Variants in CROCC2 observed in about 807,000 individuals in gnomAD.
CROCC2 encodes ciliary rootlet coiled-coil, rootletin family member 2.
In CROCC2, 163 loss-of-function variants were observed where a neutral mutation model predicts 177.6. The observed-to-expected ratio is 0.92, with a 90% CI of 0.81 to 1.05. The LOEUF (loss-of-function observed/expected upper bound fraction) is 1.05. Ranked by LOEUF, CROCC2 falls within the 50% of genes least tolerant of loss-of-function variation. The probability of loss-of-function intolerance (pLI) is 0.00; values close to 1 mark genes in which losing one functional copy is unlikely to be tolerated. For missense variants in CROCC2, 1,929 were observed against 1,797.8 expected (o/e 1.07, Z -1.32); for synonymous variants, 904 against 787.3 (o/e 1.15, Z -2.48).
At chr2:240,989,558 C>T in intron 29 of CROCC2, 96 bp from the exon 30 acceptor site, 1 of 1,255,572 alleles carries the variant, frequency 8.0e-7, no homozygotes, top group East Asian at 2.6e-5. Context: ...GTGGGGCCCA[C>T]AAGGACAGGT....
intron 27 of CROCC2, among the ~76,000 whole-genome samples, chr2:240,981,338 G>A (rs1347830556): frequency 2.0e-5 from 3 of 152,198 alleles, no homozygotes; most frequent in East Asian, 3.8e-4. Context: ...AGCTCTGGGG[G>A]AGAAGGGCTG....
chr2:240,929,803 C>T (rs2059416050), intron 5 of CROCC2: 3 of 488,550 alleles, frequency 6.1e-6, no homozygotes, highest in Non-Finnish European at 1.2e-5. Flanking sequence ...GGGGCCAGGC[C>T]TGGTTCTGGG....
chr2:240,959,692 T>C, intron 20 of CROCC2: 1 of 432,656 alleles, frequency 2.3e-6, no homozygotes, highest in East Asian at 3.7e-5. Context: ...GCCCAGGCCA[T>C]TGGCTAAGGG....
chr2:240,961,142 C>T (rs954286979), intron 20 of CROCC2, among the ~76,000 whole-genome samples: 3 of 152,134 alleles, frequency 2.0e-5, no homozygotes, highest in African/African-American at 7.2e-5. Context: ...CAGGCTGGCC[C>T]AGGGTCACCA....
Position 240,934,973 on chromosome 2 carries a change from G to A in CROCC2, c.1849G>A (p.Val617Met). 1 of 1,507,478 alleles carries A rather than the reference G, an allele frequency of 6.6e-7. No homozygotes were observed. The highest frequency in any genetic ancestry group is 8.9e-7 in the Non-Finnish European group (1 of 1,126,410). The allele number at this position is 1,507,478 out of a possible 1,614,324, so 93.4% of individuals were successfully genotyped here. ...TGTGAGGCGGCTGAAGTCGGAGGGA[G>A]TGGAGCAAAGGGACTCCCTGGCCGC... The part of the protein sequence containing the change: ...LLVRRLKSEG[V>M]EQRDSLAAMA... The change falls in exon 13 of 32, where the codon GTG becomes ATG. Residue 617 changes from valine to methionine, a missense_variant. By Grantham distance (21) the Val-to-Met change is conservative. Around this residue, in one of 3 missense-constraint regions of CROCC2, gnomAD observed 1,397 missense variants for 1,239.9 expected, o/e 1.13. Transcript: ENST00000690015.
chr2:240,909,328 C>G (rs2059272796), intron 1 of CROCC2, among the ~76,000 whole-genome samples: 1 of 151,390 alleles, frequency 6.6e-6, no homozygotes, highest in African/African-American at 2.4e-5. Flanking sequence ...GGGGTGAGCT[C>G]TACCTCCTCC....
chr2:240,991,397 A>G, intron 31 of CROCC2, 119 bp downstream of exon 31: 2 of 819,682 alleles, frequency 2.4e-6, no homozygotes, highest in South Asian at 4.2e-5. Flanking sequence ...CACTGTTGGG[A>G]AAACCAATGC....
At chr2:240,914,213 G>C (rs1166320982) in intron 1 of CROCC2, among the ~76,000 whole-genome samples, 1 of 152,204 alleles carries the variant, frequency 6.6e-6, no homozygotes, top group Non-Finnish European at 1.5e-5. Flanking sequence ...GCGCGAGTGG[G>C]GGCCCAAGGC....
At position 240,911,083 on chromosome 2, in the gene CROCC2, A is replaced by T. The variant is rs1185613988; in HGVS notation, c.78+4492A>T. Among the ~76,000 whole-genome samples the T allele has an allele frequency of 2.0e-5, 3 of 152,242 alleles. No homozygotes were observed. In the South Asian group the frequency reaches 6.2e-4, roughly 32 times the overall value. On this transcript the variant is annotated intron_variant, in intron 1 of 31. Coordinates refer to ENST00000690015, the MANE Select transcript of CROCC2 (RefSeq NM_001351305.2). ...GAGGTGGAGGTAACAGTGAGCCAAG[A>T]TCGCACCACTGTACTCCAGCCTGGG... is the stretch of plus-strand genomic sequence containing the variant.
chr2:240,948,893 C>A, intron 15 of CROCC2, 86 bp from the exon 16 acceptor site: 2 of 1,247,826 alleles, frequency 1.6e-6, no homozygotes, highest in Non-Finnish European at 2.3e-6. Flanking sequence ...AGCTGAGTCT[C>A]ATTAACACCT....
intron 17 of CROCC2, 46 bp from the exon 18 acceptor site, chr2:240,950,288 G>A (rs1399861616): frequency 1.3e-6 from 2 of 1,525,288 alleles, no homozygotes; most frequent in Admixed American, 4.1e-5. Context: ...ACAACTGCTG[G>A]CCTCACCTGC....
chr2:240,933,212 T>A lies in CROCC2; in HGVS notation c.1333T>A (p.Trp445Arg), dbSNP rs1358808906. 1 of 1,549,502 alleles carries A rather than the reference T, an allele frequency of 6.5e-7. No individual in the cohort carries two copies. The highest frequency in any genetic ancestry group is 1.4e-5 in the African/African-American group (1 of 73,018). ...GCTGTCCGAAAGCCGGCGGGAGCTG[T>A]GGGCCGCACAGAAGCTCCAGCAGGA... ...EQLSESRRELWAAQKLQQERA... is the reference protein window; with the variant it reads ...EQLSESRRELRAAQKLQQERA... Residue 445 changes from tryptophan to arginine, a missense_variant, in exon 10 of 32, where the codon TGG becomes AGG. Trp to Arg is a moderately radical substitution (Grantham distance 101). Around this residue, in one of 3 missense-constraint regions of CROCC2, gnomAD observed 1,397 missense variants for 1,239.9 expected, o/e 1.13. Transcript: ENST00000690015.
chr2:240,968,398 G>A, intron 27 of CROCC2, 136 bp downstream of exon 27: 1 of 1,208,698 alleles, frequency 8.3e-7, no homozygotes, highest in Middle Eastern at 2.9e-4. Flanking sequence ...GGGTGTTCGG[G>A]GCTGGAGCCA....
At chr2:240,913,078 C>T (rs1270491067) in intron 1 of CROCC2, among the ~76,000 whole-genome samples, 3 of 152,242 alleles carry the variant, frequency 2.0e-5, no homozygotes, top group Admixed American at 6.5e-5. Flanking sequence ...GCTAACAACA[C>T]GGGCCCATCC....
chr2:240,991,185 C>T lies in CROCC2; in HGVS notation c.4864-11C>T, dbSNP rs951095858. 11 of 1,541,386 alleles carry T rather than the reference C, an allele frequency of 7.1e-6. No individual in the cohort carries two copies. The highest frequency in any genetic ancestry group is 5.5e-5 in the African/African-American group (4 of 72,840). On this transcript the variant is annotated splice_polypyrimidine_tract_variant and intron_variant, in intron 30 of 31. Coordinates refer to ENST00000690015, the MANE Select transcript of CROCC2 (RefSeq NM_001351305.2). ...CTGCCCACCTGACCTGAGCCACTGT[C>T]CTGTCCCCAGGTGGCCAGCCTGAAG...
chr2:240,919,196 G>A (rs2059342109), intron 2 of CROCC2, among the ~76,000 whole-genome samples: 1 of 151,558 alleles, frequency 6.6e-6, no homozygotes, highest in Non-Finnish European at 1.5e-5. Flanking sequence ...ACAGTCCTGG[G>A]CCTGGGGCTG....
intron 27 of CROCC2, among the ~76,000 whole-genome samples, chr2:240,970,065 C>G (rs182331624): frequency 2.6e-5 from 4 of 152,296 alleles, no homozygotes; most frequent in Admixed American, 2.6e-4. Context: ...TTTACAAATG[C>G]ATTATTCAAA....
rs1362643114 is a variant in CROCC2, at chr2:240,920,061, T to TGGGG, written c.310_313dup (p.Asp105GlyfsTer13). ...CTCCTGCAGGAGGAGCTGACCCGGC[T>TGGGG]GGGGGACCTGCTGGCCCAGGCCAGC... On this transcript the variant is annotated frameshift_variant, in exon 3 of 32. Transcript: ENST00000690015. LOFTEE classifies it high-confidence loss of function. 1.4e-6 allele frequency: 1 copy of TGGGG among 715,640 alleles called. No homozygotes were observed. The highest frequency in any genetic ancestry group is 1.7e-5 in the African/African-American group (1 of 57,226). 44.3% of individuals were successfully genotyped at this position (715,640 alleles called of 1,614,324 possible).
chr2:240,941,530 CT>C (rs1192259106), intron 14 of CROCC2, among the ~76,000 whole-genome samples: 1 of 152,160 alleles, frequency 6.6e-6, no homozygotes, highest in Non-Finnish European at 1.5e-5. Flanking sequence ...AACCCAAATA[CT>C]TACAGTCAAC....
Sources: gnomAD v4.1 joint callset for allele counts (sites outside exome capture counted in the v4.1 genomes callset) on GRCh38, gnomAD v4.1.1 for gene constraint, gnomAD v4.1.1 regional missense constraint, MANE v1.5 for transcripts, NCBI Gene and HGNC (gene_info 2026-07-23, HGNC 2026-07-21) for gene names.